CRYBA4: variants seen among roughly 807,000 people sequenced by gnomAD.
CRYBA4 encodes the protein crystallin beta A4.
Under a neutral mutation model 31.7 loss-of-function variants are expected in CRYBA4, and 30 were observed. That is an observed-to-expected ratio of 0.95 (90% confidence interval 0.71 to 1.28). CRYBA4 has a LOEUF of 1.28. CRYBA4 is among the 50% of genes most tolerant of loss of function. The pLI, the probability that CRYBA4 is intolerant of heterozygous loss-of-function variation, is 0.00. For synonymous variants in CRYBA4, 102 were observed against 102.3 expected (o/e 1.00, Z 0.02); for missense variants, 225 against 260.7 (o/e 0.86, Z 0.94).
At chr22:26,623,021 A>C (rs1015638221) in intron 2 of CRYBA4, among the ~76,000 whole-genome samples, 7 of 152,220 alleles carry the variant, frequency 4.6e-5, no homozygotes, top group African/African-American at 1.7e-4. Context: ...CCACTTGGCA[A>C]CCATTGGTGG....
At chr22:26,605,280 A>T in the CRYBA4 span, among the ~76,000 whole-genome samples, 1 of 152,134 alleles carries the variant, frequency 6.6e-6, no homozygotes, top group Non-Finnish European at 1.5e-5. Context: ...TAGCTTTTTG[A>T]TAGCTGCCTC....
the CRYBA4 span, among the ~76,000 whole-genome samples, chr22:26,591,033 T>G: frequency 1.3e-5 from 2 of 152,212 alleles, no homozygotes; most frequent in African/African-American, 4.8e-5. Context: ...GGTTCTTTGT[T>G]CTCTTTTAAC....
chr22:26,599,380 A>T, the CRYBA4 span: 20 of 1,064,984 alleles, frequency 1.9e-5, no homozygotes, highest in Non-Finnish European at 2.5e-5. Context: ...ATCTGTTTAC[A>T]GATCCAGGAG....
the CRYBA4 span, among the ~76,000 whole-genome samples, chr22:26,600,536 G>C: frequency 6.6e-6 from 1 of 152,242 alleles, no homozygotes; most frequent in Admixed American, 6.5e-5. Flanking sequence ...GAGAATCTAG[G>C]TGGATAAGGT....
the CRYBA4 span, among the ~76,000 whole-genome samples, chr22:26,610,183 G>A: frequency 6.6e-5 from 10 of 152,160 alleles, no homozygotes; most frequent in Non-Finnish European, 1.5e-4. Context: ...AGAGAGGGTA[G>A]GGCAGGAATT....
At chr22:26,590,563 A>C in the CRYBA4 span, among the ~76,000 whole-genome samples, 2 of 152,168 alleles carry the variant, frequency 1.3e-5, no homozygotes, top group Non-Finnish European at 2.9e-5. Context: ...GTTTTTGTGG[A>C]TATACCACAT....
chr22:26,614,585 G>T, the CRYBA4 span, among the ~76,000 whole-genome samples: 6 of 152,212 alleles, frequency 3.9e-5, no homozygotes, highest in Admixed American at 3.9e-4. Context: ...CAGCCAGAAT[G>T]AATGGCCGGC....
chr22:26,622,679 G>A (rs1352280040), intron 2 of CRYBA4, 44 bp downstream of exon 2: 4 of 1,371,896 alleles, frequency 2.9e-6, no homozygotes, highest in South Asian at 2.3e-5. Context: ...GGTATGGGGA[G>A]GGTTCAGGTC....
the CRYBA4 span, chr22:26,607,824 C>T: frequency 9.3e-6 from 15 of 1,611,488 alleles, no homozygotes; most frequent in Admixed American, 1.7e-5. Flanking sequence ...CTTGTCAGAT[C>T]TCAGACTTAC....
At chr22:26,619,920 T>C (rs1929479330), upstream of CRYBA4, among the ~76,000 whole-genome samples, 1 of 152,224 alleles carries the variant, frequency 6.6e-6, no homozygotes, top group African/African-American at 2.4e-5. Flanking sequence ...GCATTTATTA[T>C]TATTATTGTA....
the CRYBA4 span, chr22:26,616,350 C>T: frequency 1.3e-6 from 2 of 1,598,920 alleles, no homozygotes; most frequent in Non-Finnish European, 1.7e-6. Flanking sequence ...TGTAAAGAAA[C>T]TCTGGCCTTC....
the CRYBA4 span, among the ~76,000 whole-genome samples, chr22:26,595,343 G>A: frequency 2.6e-5 from 4 of 152,042 alleles, no homozygotes; most frequent in Non-Finnish European, 4.4e-5. Context: ...TTGGGAGGCC[G>A]AGGCAGGAGG....
chr22:26,627,925 G>A (rs1251675774), intron 4 of CRYBA4, among the ~76,000 whole-genome samples: 1 of 152,108 alleles, frequency 6.6e-6, no homozygotes, highest in Non-Finnish European at 1.5e-5. Context: ...TGGGATTATA[G>A]GCGTGAGCCA....
At chr22:26,598,196 T>C in the CRYBA4 span, among the ~76,000 whole-genome samples, 1 of 152,164 alleles carries the variant, frequency 6.6e-6, no homozygotes. Context: ...TTTCACACTT[T>C]TCAACACTGG....
the CRYBA4 span, among the ~76,000 whole-genome samples, chr22:26,595,398 A>G: frequency 6.6e-6 from 1 of 151,944 alleles, no homozygotes; most frequent in Non-Finnish European, 1.5e-5. Context: ...CCAACATGGA[A>G]AAACCCCCGT....
chr22:26,607,063 C>A, the CRYBA4 span, among the ~76,000 whole-genome samples: 1 of 145,102 alleles, frequency 6.9e-6, no homozygotes, highest in African/African-American at 2.6e-5. Flanking sequence ...GGCACCGTCA[C>A]CCCGGCTGGA....
chr22:26,600,365 G>A, the CRYBA4 span, among the ~76,000 whole-genome samples: 1 of 151,782 alleles, frequency 6.6e-6, no homozygotes, highest in East Asian at 1.9e-4. Flanking sequence ...TTGCACCACT[G>A]TACTCCAGCC....
chr22:26,614,442 C>T, the CRYBA4 span, among the ~76,000 whole-genome samples: 363 of 152,268 alleles, frequency 2.4e-3, 1 homozygote, highest in African/African-American at 8.0e-3. Context: ...ATGTGAATAT[C>T]GGGGCAGGTT....
chr22:26,616,523 A>G, the CRYBA4 span, among the ~76,000 whole-genome samples: 3 of 152,024 alleles, frequency 2.0e-5, no homozygotes, highest in African/African-American at 7.3e-5. Flanking sequence ...TCTGGGGGCC[A>G]CTCATCCCAC....
Sources: gnomAD v4.1 joint callset for allele counts (sites outside exome capture counted in the v4.1 genomes callset) on GRCh38, gnomAD v4.1.1 for gene constraint, MANE v1.5 for transcripts, NCBI Gene and HGNC (gene_info 2026-07-23, HGNC 2026-07-21) for gene names.